Variants in PTPRQ observed in about 807,000 individuals in gnomAD.
The protein encoded by PTPRQ is protein tyrosine phosphatase receptor type Q, also known as phosphatidylinositol phosphatase PTPRQ.
PTPRQ carries 199 observed loss-of-function variants against 246.0 expected under a neutral mutation model. That is an observed-to-expected ratio of 0.81 (90% CI 0.72 to 0.91). PTPRQ has a LOEUF of 0.91. Among genes scored for constraint, PTPRQ ranks in the 40% least tolerant of loss-of-function variants. The pLI is 0.00. For missense variants in PTPRQ, 2,624 were observed against 2,528.4 expected, an observed-to-expected ratio of 1.04 and a Z score of -0.81; for synonymous variants, 869 against 853.2, an observed-to-expected ratio of 1.02 and a Z score of -0.32.
chr12:80,653,854 C>A (rs944703884), intron 38 of PTPRQ, among the ~76,000 whole-genome samples: 1 of 152,058 alleles, frequency 6.6e-6, no homozygotes, highest in African/African-American at 2.4e-5. Context: ...TCTACTAGAA[C>A]CTGTTAATTT....
rs77822784 is a variant in PTPRQ, at chr12:80,625,743, C to T, written c.5686+3609C>T. Among the ~76,000 whole-genome samples, 310 of 152,164 alleles carry T rather than the reference C, an allele frequency of 2.0e-3. 3 individuals carry two copies. The highest frequency in any genetic ancestry group is 6.3e-3 in the African/African-American group (262 of 41,514). ...CTGTAGGGATAAACAGGGAAGATAA[C>T]GTATGCATTATTTTAATCCTAAATA... On this transcript the variant is annotated intron_variant, in intron 33 of 44. Coordinates refer to ENST00000644991, the MANE Select transcript of PTPRQ (RefSeq NM_001145026.2).
chr12:80,445,217 G>GT (rs1211187972), intron 2 of PTPRQ, among the ~76,000 whole-genome samples: 4 of 151,884 alleles, frequency 2.6e-5, no homozygotes, highest in Non-Finnish European at 5.9e-5. Flanking sequence ...TAAGCCTTGC[G>GT]TAAGTGAATT....
At chr12:80,596,386 A>C (rs549942601) in intron 26 of PTPRQ, among the ~76,000 whole-genome samples, 12 of 152,174 alleles carry the variant, frequency 7.9e-5, no homozygotes, top group Admixed American at 5.9e-4. Flanking sequence ...AAAATCACTA[A>C]AAATCAAACA....
At chr12:80,454,598 G>A (rs1401984512) in intron 3 of PTPRQ, 6 of 701,502 alleles carry the variant, frequency 8.6e-6, no homozygotes, top group African/African-American at 1.7e-5. Context: ...TATGTTGGCT[G>A]TGGTTTGTCA....
intron 23 of PTPRQ, among the ~76,000 whole-genome samples, chr12:80,544,291 A>G (rs940668706): frequency 7.2e-6 from 1 of 138,806 alleles, no homozygotes; most frequent in Non-Finnish European, 1.6e-5. Context: ...TGTGATAAAT[A>G]TGTTAGCTAT....
At chr12:80,586,164 T>C (rs1173231946) in intron 25 of PTPRQ, among the ~76,000 whole-genome samples, 1 of 151,972 alleles carries the variant, frequency 6.6e-6, no homozygotes, top group East Asian at 1.9e-4. Context: ...TTCCAAGTCT[T>C]TGCTATCGTG....
chr12:80,493,698 A>G (rs1399457849), intron 10 of PTPRQ, among the ~76,000 whole-genome samples: 1 of 152,028 alleles, frequency 6.6e-6, no homozygotes, highest in African/African-American at 2.4e-5. Flanking sequence ...TCTCTGGCCA[A>G]GCTGCATAGA....
chr12:80,632,192 G>T lies in PTPRQ; in HGVS notation c.5687G>T (p.Gly1896Val), dbSNP rs145711051. Residue 1896 changes from glycine to valine, a missense_variant and splice_region_variant, in exon 34 of 45, where the codon GGG becomes GTG. Gly to Val is a moderately radical substitution (Grantham distance 109, BLOSUM62 -3). Transcript: ENST00000644991. ...SDYSDPVKTLGEGLSERTVEI... is the reference protein window; with the variant it reads ...SDYSDPVKTLVEGLSERTVEI... ...TGATCCTGTTATCCCTCTTCTCCAG[G>T]GGAAGGACTTTCAGAAAGAACCGTA... 2 of 1,550,558 alleles carry T rather than the reference G, an allele frequency of 1.3e-6. No individual in the cohort carries two copies. The highest frequency in any genetic ancestry group is 8.7e-7 in the Non-Finnish European group (1 of 1,146,596).
At chr12:80,546,064 T>A (rs1896296304) in intron 23 of PTPRQ, among the ~76,000 whole-genome samples, 1 of 152,146 alleles carries the variant, frequency 6.6e-6, no homozygotes. Context: ...ACGCCTGTAA[T>A]CCCAGCACTT....
chr12:80,570,973 TTTGGTTACTGTAGCC>T (rs1897129345), intron 25 of PTPRQ, among the ~76,000 whole-genome samples: 1 of 152,206 alleles, frequency 6.6e-6, no homozygotes, highest in Non-Finnish European at 1.5e-5. Context: ...ACCATGCTGT[TTTGGTTACTGTAGCC>T]TTGTAATATA....
Position 80,482,104 on chromosome 12 carries a change from A to T in PTPRQ, c.1187-2329A>T, listed in dbSNP as rs560297073. On this transcript the variant is annotated intron_variant, in intron 8 of 44. Transcript: ENST00000644991. Reference sequence around the variant, plus strand: ...GCCAAAAGAACAAAGCTGGAGGATCACACTACCTGACTTTAAACTATACTA... The same window carrying T: ...GCCAAAAGAACAAAGCTGGAGGATCTCACTACCTGACTTTAAACTATACTA... Among the ~76,000 whole-genome samples, 24 of 152,118 alleles carry T rather than the reference A, an allele frequency of 1.6e-4. No homozygotes were observed. The South Asian group carries it at 4.8e-3, about 30-fold the overall frequency.
intron 8 of PTPRQ, among the ~76,000 whole-genome samples, chr12:80,481,036 C>T (rs1248621854): frequency 6.6e-6 from 1 of 152,108 alleles, no homozygotes; most frequent in Non-Finnish European, 1.5e-5. Flanking sequence ...AGGCCAGCAT[C>T]ATTCTGATAC....
chr12:80,666,242 A>T (rs1255080691), intron 39 of PTPRQ, among the ~76,000 whole-genome samples: 1 of 152,076 alleles, frequency 6.6e-6, no homozygotes, highest in Admixed American at 6.6e-5. Context: ...GCCATGTAAA[A>T]GAATAAAGTC....
At chr12:80,627,558 G>T (rs1411220267) in intron 33 of PTPRQ, among the ~76,000 whole-genome samples, 1 of 151,734 alleles carries the variant, frequency 6.6e-6, no homozygotes, top group African/African-American at 2.4e-5. Context: ...CTTAAAAACA[G>T]ACTTAAAAAG....
At chr12:80,664,104 A>G (rs1039716345) in intron 39 of PTPRQ, among the ~76,000 whole-genome samples, 7 of 151,942 alleles carry the variant, frequency 4.6e-5, no homozygotes, top group Admixed American at 1.3e-4. Context: ...TCTCTGTGTT[A>G]CTAGAAGTGT....
chr12:80,588,401 G>A lies in PTPRQ; in HGVS notation c.4558G>A (p.Ala1520Thr). The A allele has an allele frequency of 6.6e-7, 1 of 1,516,604 alleles. No individual in the cohort carries two copies. Among genetic ancestry groups the A allele is most frequent in the African/African-American group, 1.4e-5 (1 of 71,860 alleles). 93.9% of individuals were successfully genotyped at this position (1,516,604 alleles called of 1,614,324 possible). The change falls in exon 26 of 45, where the codon GCT (alanine) becomes ACT (threonine). Residue 1520 changes from alanine to threonine, a missense_variant. Transcript: ENST00000644991. ...YRFQVAASTN[A>T]GYGNASNWIS... ...ATTCCAAGTGGCTGCCAGCACCAAT[G>A]CTGGCTATGGCAATGCTTCAAACTG...
At chr12:80,465,179 A>G (rs982187895) in intron 6 of PTPRQ, 18 of 151,370 alleles carry the variant, frequency 1.2e-4, no homozygotes, top group African/African-American at 4.4e-4. Flanking sequence ...GGATATTACC[A>G]CTGATCCCAC....
chr12:80,636,775 G>A (rs1899669245), intron 35 of PTPRQ, among the ~76,000 whole-genome samples: 1 of 152,134 alleles, frequency 6.6e-6, no homozygotes, highest in African/African-American at 2.4e-5. Flanking sequence ...TTCAGCAAAT[G>A]TAATAACGTG....
intron 9 of PTPRQ, among the ~76,000 whole-genome samples, chr12:80,486,012 G>T (rs1229551046): frequency 6.6e-6 from 1 of 152,126 alleles, no homozygotes; most frequent in Non-Finnish European, 1.5e-5. Context: ...ATAGCAAGTG[G>T]TTAAGACTGT....
Sources: allele counts gnomAD v4.1 joint callset (sites outside exome capture counted in the v4.1 genomes callset), GRCh38; gene constraint gnomAD v4.1.1; transcripts MANE v1.5; gene names NCBI Gene and HGNC (gene_info 2026-07-23, HGNC 2026-07-21).